Variants in FILIP1 observed in about 807,000 individuals in gnomAD.
FILIP1 encodes the protein filamin A interacting protein 1.
In FILIP1, 61 loss-of-function variants were observed where a neutral mutation model predicts 102.1. The observed-to-expected ratio is 0.60, with a 90% CI of 0.49 to 0.74. The LOEUF is 0.74. Ranked by LOEUF, FILIP1 falls within the 30% of genes least tolerant of loss-of-function variation. FILIP1 has a pLI of 0.00. For synonymous variants in FILIP1, 491 were observed against 526.9 expected, an observed-to-expected ratio of 0.93 and a Z score of 0.93; for missense variants, 1,314 against 1,441.2, an observed-to-expected ratio of 0.91 and a Z score of 1.43.
chr6:75,381,615 A>T (rs1421935519), intron 2 of FILIP1, among the ~76,000 whole-genome samples: 1 of 152,194 alleles, frequency 6.6e-6, no homozygotes, highest in East Asian at 1.9e-4. Context: ...CTGGCACCTG[A>T]AATTTTGAAA....
intron 4 of FILIP1, among the ~76,000 whole-genome samples, chr6:75,337,427 G>A (rs547263864): frequency 3.7e-4 from 57 of 152,230 alleles, no homozygotes; most frequent in Non-Finnish European, 7.1e-4. Context: ...ATGTAAAGAG[G>A]ACATGATTCC....
At chr6:75,307,298 G>A (rs570635873), downstream of FILIP1, among the ~76,000 whole-genome samples, 1 of 152,282 alleles carries the variant, frequency 6.6e-6, no homozygotes, top group South Asian at 2.1e-4. Flanking sequence ...GAAACATGTT[G>A]AATCATGAGA....
intron 2 of FILIP1, among the ~76,000 whole-genome samples, chr6:75,383,190 C>A (rs752254694): frequency 7.2e-5 from 11 of 152,128 alleles, no homozygotes; most frequent in Non-Finnish European, 1.2e-4. Context: ...TGAGTCATTT[C>A]TGTCCCTGAT....
At chr6:75,457,782 G>T (rs2808182) in intron 1 of FILIP1, among the ~76,000 whole-genome samples, 106,278 of 152,070 alleles carry the variant, frequency 0.7, 38,073 homozygotes, top group African/African-American at 0.86. Context: ...TGAATAGCTA[G>T]ATCTATGAAT....
chr6:75,447,293 G>T (rs1439998454), intron 1 of FILIP1, among the ~76,000 whole-genome samples: 1 of 152,084 alleles, frequency 6.6e-6, no homozygotes, highest in Non-Finnish European at 1.5e-5. Flanking sequence ...TGGAAATCAG[G>T]TGCAGTATAT....
At chr6:75,439,922 T>G (rs1480952371) in intron 1 of FILIP1, among the ~76,000 whole-genome samples, 1 of 152,216 alleles carries the variant, frequency 6.6e-6, no homozygotes, top group Non-Finnish European at 1.5e-5. Context: ...AAATATTTCT[T>G]GAGAATCTAT....
intron 1 of FILIP1, among the ~76,000 whole-genome samples, chr6:75,468,283 G>A (rs1454468690): frequency 6.6e-6 from 1 of 152,140 alleles, no homozygotes; most frequent in Admixed American, 6.5e-5. Flanking sequence ...CTTAGCGTTG[G>A]AGTAAGGCCA....
intron 1 of FILIP1, chr6:75,453,881 A>T (rs1778724748): frequency 2.2e-6 from 1 of 448,760 alleles, no homozygotes; most frequent in Non-Finnish European, 4.5e-6. Flanking sequence ...CATGTGATGC[A>T]AATACACAAT....
intron 4 of FILIP1, among the ~76,000 whole-genome samples, chr6:75,329,383 T>C (rs1773985202): frequency 6.6e-6 from 1 of 152,228 alleles, no homozygotes; most frequent in African/African-American, 2.4e-5. Context: ...CTTTGACTCC[T>C]TAAGATTTTG....
intron 4 of FILIP1, among the ~76,000 whole-genome samples, chr6:75,326,873 A>G (rs1773882361): frequency 6.6e-6 from 1 of 152,200 alleles, no homozygotes; most frequent in Non-Finnish European, 1.5e-5. Flanking sequence ...AATTGTCAAG[A>G]TGCCCCTTGG....
intron 2 of FILIP1, among the ~76,000 whole-genome samples, chr6:75,392,749 G>A (rs1023999249): frequency 1.2e-4 from 19 of 152,164 alleles, no homozygotes; most frequent in African/African-American, 3.9e-4. Flanking sequence ...CCCAGTGAGA[G>A]ATGGTTGAAT....
intron 1 of FILIP1, among the ~76,000 whole-genome samples, chr6:75,461,156 T>C (rs77921040): frequency 0.031 from 4,660 of 152,254 alleles, 132 homozygotes; most frequent in Non-Finnish European, 0.042. Flanking sequence ...ATAATAACAA[T>C]ACAAGCAGCC....
chr6:75,410,119 ATAACCTCAGAACACCACCTCCAGAG>A (rs1464994653), intron 2 of FILIP1, among the ~76,000 whole-genome samples: 1 of 152,166 alleles, frequency 6.6e-6, no homozygotes, highest in Non-Finnish European at 1.5e-5. Flanking sequence ...TCAGGCAATT[ATAACCTCAGAACACCACCTCCAGAG>A]TAAGGGCATC....
chr6:75,426,657 C>A (rs1352040073), intron 1 of FILIP1, among the ~76,000 whole-genome samples: 1 of 152,068 alleles, frequency 6.6e-6, no homozygotes, highest in African/African-American at 2.4e-5. Context: ...AAGGACTCTG[C>A]AGCCTTTGTG....
downstream of FILIP1, among the ~76,000 whole-genome samples, chr6:75,304,431 G>A (rs554237226): frequency 9.4e-4 from 143 of 152,186 alleles, no homozygotes; most frequent in Non-Finnish European, 1.7e-3. Context: ...ATCCAGGCTG[G>A]TCTCAAACTC....
chr6:75,490,943 T>C (rs1022991300), intron 1 of FILIP1, among the ~76,000 whole-genome samples: 5 of 152,106 alleles, frequency 3.3e-5, no homozygotes, highest in African/African-American at 7.2e-5. Context: ...GAATGGAACA[T>C]CCACAATGTG....
intron 2 of FILIP1, among the ~76,000 whole-genome samples, chr6:75,406,116 T>C (rs1776835966): frequency 6.6e-6 from 1 of 152,180 alleles, no homozygotes; most frequent in African/African-American, 2.4e-5. Flanking sequence ...TTTGACTAAC[T>C]GAACCTCTCT....
chr6:75,384,586 G>T (rs987833032), intron 2 of FILIP1, among the ~76,000 whole-genome samples: 1 of 151,872 alleles, frequency 6.6e-6, no homozygotes, highest in Non-Finnish European at 1.5e-5. Flanking sequence ...GTGAGATTTC[G>T]GAAGGTTACT....
chr6:75,471,185 A>AAAATAT (rs1779317737), intron 1 of FILIP1, among the ~76,000 whole-genome samples: 1 of 142,050 alleles, frequency 7.0e-6, no homozygotes, highest in African/African-American at 2.6e-5. Flanking sequence ...AAAAAAAAAG[A>AAAATAT]AAATATAATG....
Sources: gnomAD v4.1 joint callset for allele counts (sites outside exome capture counted in the v4.1 genomes callset) on GRCh38, gnomAD v4.1.1 for gene constraint, MANE v1.5 for transcripts, NCBI Gene and HGNC (gene_info 2026-07-23, HGNC 2026-07-21) for gene names.